Variants in PLXNA4 observed in about 807,000 individuals in gnomAD.
The protein encoded by PLXNA4 is plexin-A4.
In PLXNA4, 44 loss-of-function variants were observed where a neutral mutation model predicts 191.8. The ratio of observed to expected loss-of-function variants is 0.23; its 90% confidence interval spans 0.18 to 0.29. The LOEUF is 0.29. Ranked by LOEUF, PLXNA4 falls within the 10% of genes least tolerant of loss-of-function variation. The probability of loss-of-function intolerance (pLI) is 1.00; values close to 1 mark genes in which losing one functional copy is unlikely to be tolerated. For synonymous variants in PLXNA4, 1,082 were observed against 1,009.5 expected (o/e 1.07, Z -1.36); for missense variants, 1,800 against 2,488.8 (o/e 0.72, Z 5.89).
At chr7:132,243,859 G>A (rs1437600178) in intron 4 of PLXNA4, among the ~76,000 whole-genome samples, 1 of 151,964 alleles carries the variant, frequency 6.6e-6, no homozygotes, top group Non-Finnish European at 1.5e-5. Flanking sequence ...GTCTTCCAAG[G>A]CTTCAGGAAC....
intron 8 of PLXNA4, among the ~76,000 whole-genome samples, chr7:132,224,554 A>T (rs1361196682): frequency 2.0e-5 from 3 of 152,138 alleles, no homozygotes; most frequent in Admixed American, 2.0e-4. Flanking sequence ...TTTTGACTCC[A>T]CTGTGTCTAA....
chr7:132,464,160 G>A (rs1003523689), intron 3 of PLXNA4, among the ~76,000 whole-genome samples: 5 of 152,298 alleles, frequency 3.3e-5, no homozygotes, highest in East Asian at 1.9e-4. Context: ...AGCAATACAC[G>A]TGGTGCTGAG....
At chr7:132,410,475 A>G (rs1458183593) in intron 3 of PLXNA4, among the ~76,000 whole-genome samples, 1 of 152,176 alleles carries the variant, frequency 6.6e-6, no homozygotes, top group Non-Finnish European at 1.5e-5. Flanking sequence ...CCCCCTCCAC[A>G]GGGATAACCG....
chr7:132,256,489 C>A (rs905152977), intron 4 of PLXNA4, among the ~76,000 whole-genome samples: 9 of 152,248 alleles, frequency 5.9e-5, no homozygotes, highest in Non-Finnish European at 1.2e-4. Context: ...TTGTGGGCCA[C>A]CCCTCAGGGA....
At chr7:132,173,161 T>C (rs1402720638) in intron 21 of PLXNA4, among the ~76,000 whole-genome samples, 1 of 152,152 alleles carries the variant, frequency 6.6e-6, no homozygotes, top group African/African-American at 2.4e-5. Flanking sequence ...GTGTCTCACT[T>C]TAAACAGGAA....
intron 2 of PLXNA4, among the ~76,000 whole-genome samples, chr7:132,641,772 T>A (rs1803747391): frequency 1.3e-5 from 2 of 152,150 alleles, no homozygotes; most frequent in Non-Finnish European, 2.9e-5. Context: ...AAATATAAAC[T>A]AAACCCCAGA....
rs149527777 is a variant in PLXNA4 at position 132,337,633 on chromosome 7, T to C, written c.1372-39411A>G. On this transcript the variant is annotated intron_variant, in intron 3 of 31. Coordinates refer to ENST00000321063, the MANE Select transcript of PLXNA4 (RefSeq NM_020911.2). ...CTAGATGTTAAATGCTGGAACATTC[T>C]CTTCCTATTGCTGAGAAAAGACAGC... Among the ~76,000 whole-genome samples the C allele has an allele frequency of 2.5e-3, 377 of 152,328 alleles. 1 individual carries two copies. The highest frequency in any genetic ancestry group is 8.9e-3 in the African/African-American group (369 of 41,570).
rs566230281 is a variant in PLXNA4, at chr7:132,253,637, G to A, written c.1504-12471C>T. Among the ~76,000 whole-genome samples, 5 of 152,212 alleles carry A rather than the reference G, an allele frequency of 3.3e-5. No homozygotes were observed. In the South Asian group the frequency reaches 6.2e-4, roughly 19 times the overall value. ...GTCTCTCCCTCTTGGTTCACCTTCT[G>A]ACCAGTAGCACCCTAGAAGTGAGCC... On this transcript the variant is annotated intron_variant, in intron 4 of 31. Coordinates refer to ENST00000321063, the MANE Select transcript of PLXNA4 (RefSeq NM_020911.2).
At chr7:132,373,830 G>A (rs772404426) in intron 3 of PLXNA4, among the ~76,000 whole-genome samples, 37 of 152,140 alleles carry the variant, frequency 2.4e-4, no homozygotes, top group African/African-American at 2.9e-4. Flanking sequence ...AAATCTTACC[G>A]CCCTTATTAG....
At chr7:132,158,396 C>CGGTAA (rs1795854072) in intron 25 of PLXNA4, among the ~76,000 whole-genome samples, 1 of 152,124 alleles carries the variant, frequency 6.6e-6, no homozygotes, top group Admixed American at 6.5e-5. Context: ...AGGGGTCCTC[C>CGGTAA]CACCACTATG....
Position 132,507,888 on chromosome 7 carries a change from G to A in PLXNA4, c.806C>T (p.Ser269Phe). Reference sequence around the variant, plus strand: ...TGTATACACCTGCTCCTTGGTGGTGGAGCCTGGTGGAGACACCATCTCAGG... The same window carrying A: ...TGTATACACCTGCTCCTTGGTGGTGAAGCCTGGTGGAGACACCATCTCAGG... ...LQPEMVSPPG[S>F]TTKEQVYTSK... The change falls in exon 2 of 32, where the codon TCC becomes TTC. Residue 269 changes from serine to phenylalanine, a missense_variant. By Grantham distance (155) the Ser-to-Phe change is radical. Around this residue, in one of 6 missense-constraint regions of PLXNA4, gnomAD observed 1,397 missense variants for 1,880.4 expected, o/e 0.74. Coordinates refer to ENST00000321063, the MANE Select transcript of PLXNA4 (RefSeq NM_020911.2). 1 of 1,614,170 alleles carries A rather than the reference G, an allele frequency of 6.2e-7. No homozygotes were observed. The highest frequency in any genetic ancestry group is 1.1e-5 in the South Asian group (1 of 91,086).
intron 1 of PLXNA4, among the ~76,000 whole-genome samples, chr7:132,573,638 G>GACACGAAGGC (rs1554472752): frequency 6.6e-6 from 1 of 151,552 alleles, no homozygotes; most frequent in Non-Finnish European, 1.5e-5. Flanking sequence ...AGCAGCAGGC[G>GACACGAAGGC]ACAGGAAGGC....
intron 3 of PLXNA4, among the ~76,000 whole-genome samples, chr7:132,454,808 C>T (rs1796254863): frequency 6.6e-6 from 1 of 152,044 alleles, no homozygotes; most frequent in Non-Finnish European, 1.5e-5. Flanking sequence ...GAAGCCAGCC[C>T]TGCCTATACC....
At chr7:132,158,369 T>C (rs974909095) in intron 25 of PLXNA4, among the ~76,000 whole-genome samples, 14 of 152,128 alleles carry the variant, frequency 9.2e-5, no homozygotes, top group Admixed American at 8.5e-4. Flanking sequence ...GCCAGATGGA[T>C]GGATTAGAGG....
At chr7:132,372,158 T>C (rs1011920912) in intron 3 of PLXNA4, among the ~76,000 whole-genome samples, 3 of 152,220 alleles carry the variant, frequency 2.0e-5, no homozygotes, top group Non-Finnish European at 4.4e-5. Context: ...TGACCTGTCA[T>C]GTGGCACTAC....
chr7:132,369,139 C>T (rs765183466), intron 3 of PLXNA4, among the ~76,000 whole-genome samples: 5 of 152,176 alleles, frequency 3.3e-5, no homozygotes, highest in Admixed American at 1.3e-4. Context: ...GAATCCCTAA[C>T]GCCTCTGCCA....
In PLXNA4 at chr7:132,511,616, G is replaced by A. The variant is rs150039011; in HGVS notation, c.-86-2837C>T. On this transcript the variant is annotated intron_variant, in intron 1 of 31. Coordinates refer to ENST00000321063, the MANE Select transcript of PLXNA4 (RefSeq NM_020911.2). Reference sequence around the variant, plus strand: ...ATGACTGTAAAGCAGCAGCTGCACAGAGCCTCTGCCTAGCACAGTTAAGTG... The same window carrying A: ...ATGACTGTAAAGCAGCAGCTGCACAAAGCCTCTGCCTAGCACAGTTAAGTG... 7.9e-5 allele frequency among the ~76,000 whole-genome samples: 12 copies of A among 152,282 alleles called. 1 individual carries two copies. Among genetic ancestry groups the A allele is most frequent in the African/African-American group, 2.9e-4 (12 of 41,570 alleles).
intron 4 of PLXNA4, among the ~76,000 whole-genome samples, chr7:132,284,198 A>G (rs917507095): frequency 6.6e-6 from 1 of 152,156 alleles, no homozygotes; most frequent in Admixed American, 6.5e-5. Context: ...CTACATATCT[A>G]TACATCTGCT....
chr7:132,478,872 G>A (rs1174858275), intron 3 of PLXNA4, among the ~76,000 whole-genome samples: 1 of 152,082 alleles, frequency 6.6e-6, no homozygotes, highest in Non-Finnish European at 1.5e-5. Context: ...GGTAAAAGTG[G>A]TTAAGCAGAA....
Sources: gnomAD v4.1 joint callset for allele counts (sites outside exome capture counted in the v4.1 genomes callset) on GRCh38, gnomAD v4.1.1 for gene constraint, gnomAD v4.1.1 regional missense constraint, MANE v1.5 for transcripts, NCBI Gene and HGNC (gene_info 2026-07-23, HGNC 2026-07-21) for gene names.